KLHDC10: variants seen among roughly 807,000 people sequenced by gnomAD.
KLHDC10 encodes kelch domain-containing protein 10.
KLHDC10 carries 24 observed loss-of-function variants against 56.1 expected under a neutral mutation model. The ratio of observed to expected loss-of-function variants is 0.43; its 90% CI spans 0.31 to 0.60. The LOEUF (loss-of-function observed/expected upper bound fraction) is 0.60, where lower values mean the gene tolerates loss of function less well. Ranked by LOEUF, KLHDC10 falls within the 20% of genes least tolerant of loss-of-function variation. The pLI is 0.11. For synonymous variants in KLHDC10, 188 were observed against 207.1 expected (o/e 0.91, Z 0.79); for missense variants, 349 against 567.0 (o/e 0.62, Z 3.91).
intron 1 of KLHDC10, among the ~76,000 whole-genome samples, chr7:130,084,598 C>T (rs375722834): frequency 9.3e-5 from 14 of 151,328 alleles, no homozygotes; most frequent in African/African-American, 3.4e-4. Flanking sequence ...GCCAACATGG[C>T]GAAACCCCGT....
chr7:130,084,185 A>G (rs1016992557), intron 1 of KLHDC10, among the ~76,000 whole-genome samples: 4 of 152,226 alleles, frequency 2.6e-5, no homozygotes, highest in Non-Finnish European at 4.4e-5. Flanking sequence ...TGTGATCTTT[A>G]TTATAAAATT....
At position 130,120,953 on chromosome 7, in the gene KLHDC10, T is replaced by G; in HGVS notation, c.630+50T>G. ...TGTATTTGTTCATATTTTTCTAGTC[T>G]GGGGATGGTGTTAGAATATTTGTAA... On this transcript the variant is annotated intron_variant, in intron 4 of 9. Transcript: ENST00000335420. The surrounding 1 kb of genome is among the most constrained non-coding windows in gnomAD (Gnocchi z 5.1). 6.4e-7 allele frequency: 1 copy of G among 1,555,818 alleles called. No homozygotes were observed. Among genetic ancestry groups the G allele is most frequent in the Non-Finnish European group, 8.8e-7 (1 of 1,135,370 alleles).
intron 1 of KLHDC10, among the ~76,000 whole-genome samples, chr7:130,083,530 A>G (rs781052174): frequency 1.9e-4 from 29 of 152,132 alleles, no homozygotes; most frequent in Non-Finnish European, 8.8e-5. Flanking sequence ...TTCTGTACAT[A>G]CCATTTCTTC....
intron 4 of KLHDC10, among the ~76,000 whole-genome samples, chr7:130,121,353 G>T (rs771798589): frequency 2.0e-5 from 3 of 152,126 alleles, no homozygotes; most frequent in Non-Finnish European, 4.4e-5. Context: ...ATTAGTTTAG[G>T]TTCCAGCGCT....
chr7:130,089,303 A>G (rs991425306), intron 1 of KLHDC10, among the ~76,000 whole-genome samples: 2 of 152,082 alleles, frequency 1.3e-5, no homozygotes, highest in African/African-American at 4.8e-5. Flanking sequence ...CTACAATATA[A>G]ACAAAAATGA....
intron 1 of KLHDC10, among the ~76,000 whole-genome samples, chr7:130,094,313 AT>A (rs1430105623): frequency 1.3e-5 from 2 of 152,198 alleles, no homozygotes; most frequent in Non-Finnish European, 2.9e-5. Flanking sequence ...ATATCGTAGA[AT>A]TTATGGATAA....
chr7:130,122,929 A>T (rs1796267241), intron 5 of KLHDC10, among the ~76,000 whole-genome samples: 1 of 152,198 alleles, frequency 6.6e-6, no homozygotes, highest in African/African-American at 2.4e-5. Flanking sequence ...GCACAGGGCC[A>T]TCCCCACAGT....
intron 1 of KLHDC10, among the ~76,000 whole-genome samples, chr7:130,096,012 G>A (rs568930526): frequency 9.2e-5 from 14 of 152,270 alleles, no homozygotes; most frequent in Non-Finnish European, 1.5e-4. Flanking sequence ...CTGAAGAGCA[G>A]GAATCATGTC....
chr7:130,092,420 A>G (rs896426284), intron 1 of KLHDC10, among the ~76,000 whole-genome samples: 2 of 152,164 alleles, frequency 1.3e-5, no homozygotes, highest in Non-Finnish European at 2.9e-5. Flanking sequence ...ATGCTCAATC[A>G]TCTTTATCGT....
chr7:130,128,892 ATATAT>A lies in KLHDC10; in HGVS notation c.980-544_980-540del, dbSNP rs1563107673. ...TTGTCTCTTAAAAAAAAAAAAAAAT[ATATAT>A]ATATATATATATATATATATATACA... On this transcript the variant is annotated intron_variant, in intron 8 of 9. Transcript: ENST00000335420. 1.0e-3 allele frequency among the ~76,000 whole-genome samples: 61 copies of A among 58,922 alleles called. 1 individual carries two copies. Among genetic ancestry groups the A allele is most frequent in the African/African-American group, 2.3e-3 (39 of 17,160 alleles). 38.7% of individuals were successfully genotyped at this position (58,922 alleles called of 152,430 possible).
At chr7:130,070,892 C>T (rs1795399198) in intron 1 of KLHDC10, 83 bp downstream of exon 1, 5 of 1,085,084 alleles carry the variant, frequency 4.6e-6, no homozygotes, top group South Asian at 4.0e-5. Flanking sequence ...CTTGCTTTTC[C>T]TTGGGAGGAG....
chr7:130,122,588 C>T (rs578118815), intron 5 of KLHDC10, among the ~76,000 whole-genome samples: 7 of 152,160 alleles, frequency 4.6e-5, no homozygotes, highest in Non-Finnish European at 1.0e-4. Context: ...CTCACTCTGT[C>T]ACCTAGGCTG....
At chr7:130,125,012 A>T (rs536302807) in intron 6 of KLHDC10, among the ~76,000 whole-genome samples, 1 of 152,214 alleles carries the variant, frequency 6.6e-6, no homozygotes, top group South Asian at 2.1e-4. Flanking sequence ...TCCCAGGGGA[A>T]CCTAGATTAG....
intron 1 of KLHDC10, among the ~76,000 whole-genome samples, chr7:130,081,290 C>T (rs555636265): frequency 3.3e-5 from 5 of 151,080 alleles, no homozygotes; most frequent in Non-Finnish European, 5.9e-5. Flanking sequence ...TGAGCCACCG[C>T]GCCTGGCCTC....
intron 2 of KLHDC10, among the ~76,000 whole-genome samples, chr7:130,114,732 G>A (rs1254151874): frequency 1.3e-5 from 2 of 152,070 alleles, no homozygotes. Context: ...ACTAATATAT[G>A]AGTAGTATGG....
chr7:130,075,776 C>T (rs1055940266), intron 1 of KLHDC10, among the ~76,000 whole-genome samples: 1 of 152,174 alleles, frequency 6.6e-6, no homozygotes, highest in Non-Finnish European at 1.5e-5. Context: ...TGTTGTTGTT[C>T]GAGTGCTGTC....
At chr7:130,096,849 A>G (rs1795855984) in intron 1 of KLHDC10, 72 bp from the exon 2 acceptor site, 1 of 1,043,822 alleles carries the variant, frequency 9.6e-7, no homozygotes, top group South Asian at 1.5e-5. Context: ...CTGTCTTTAT[A>G]ACTACAGTAA....
chr7:130,098,836 T>C (rs1402355451), intron 2 of KLHDC10, among the ~76,000 whole-genome samples: 2 of 152,202 alleles, frequency 1.3e-5, no homozygotes, highest in African/African-American at 2.4e-5. Context: ...TATTTTCTTT[T>C]GTATGGTGTT....
rs1796438038 is a variant in KLHDC10, at chr7:130,134,260, C to T, written c.*3514C>T. On this transcript the variant is annotated 3_prime_UTR_variant, in exon 10 of 10. Transcript: ENST00000335420. ...AGGAATAATCAGTAGGAGCTGACAA[C>T]CAGTGACCATATAAGCAGCTGATTG... 2 of 152,184 alleles carry T rather than the reference C, an allele frequency of 1.3e-5. No homozygotes were observed. 9.4% of individuals were successfully genotyped at this position (152,184 alleles called of 1,614,324 possible).
Sources: allele counts gnomAD v4.1 joint callset (sites outside exome capture counted in the v4.1 genomes callset), GRCh38; gene constraint gnomAD v4.1.1; non-coding constraint Gnocchi (gnomAD v3.1); transcripts MANE v1.5; gene names NCBI Gene and HGNC (gene_info 2026-07-23, HGNC 2026-07-21).